The following RBM19 variants were observed in gnomAD, a reference collection of about 807,000 sequenced individuals.
RBM19 encodes the protein RNA binding motif protein 19, also known as probable RNA-binding protein 19.
In RBM19, 94 loss-of-function variants were observed where a neutral mutation model predicts 116.8. The observed-to-expected ratio is 0.80, with a 90% CI of 0.68 to 0.95. RBM19 has a LOEUF of 0.95. RBM19 is among the 40% of genes least tolerant of loss of function. The pLI, the probability that RBM19 is intolerant of heterozygous loss-of-function variation, is 0.00. For synonymous variants in RBM19, 475 were observed against 494.1 expected (o/e 0.96, Z 0.51); for missense variants, 1,161 against 1,220.7 (o/e 0.95, Z 0.73).
rs1185864386 is a variant in RBM19 at position 113,940,159 on chromosome 12, G to C, written c.1739C>G (p.Ala580Gly). ...CACAGTCTTGCTTCGCTCTGCTGCA[G>C]CCTGCAAAGAGGAAATGCACACACA... ...NGVSLDSFSQ[A>G]AAERSKTVIL... is the part of the protein sequence containing the mutation. The change falls in exon 15 of 24, where the codon GCT (alanine) becomes GGT (glycine). Residue 580 changes from alanine to glycine, a missense_variant and splice_region_variant. Coordinates refer to ENST00000261741, the MANE Select transcript of RBM19 (RefSeq NM_016196.4). The C allele has an allele frequency of 1.2e-6, 2 of 1,612,286 alleles. No homozygotes were observed. Among genetic ancestry groups the C allele is most frequent in the African/African-American group, 2.7e-5 (2 of 74,918 alleles).
intron 21 of RBM19, among the ~76,000 whole-genome samples, chr12:113,883,099 G>A (rs1245899603): frequency 2.0e-5 from 3 of 152,174 alleles, no homozygotes; most frequent in African/African-American, 7.2e-5. Context: ...TGTAGGGAAC[G>A]AGGGAGAAAA....
chr12:113,937,219 C>T, intron 15 of RBM19, 83 bp from the exon 16 acceptor site: 2 of 1,525,900 alleles, frequency 1.3e-6, no homozygotes, highest in South Asian at 2.5e-5. Context: ...CAGATCACAG[C>T]CCAAGGGTCA....
intron 13 of RBM19, among the ~76,000 whole-genome samples, chr12:113,942,885 A>G (rs1202382077): frequency 1.3e-5 from 2 of 152,170 alleles, no homozygotes; most frequent in African/African-American, 4.8e-5. Flanking sequence ...TGCCAGGATT[A>G]CAGGCGTGAG....
At chr12:113,964,389 C>G (rs1172135948) in intron 1 of RBM19, among the ~76,000 whole-genome samples, 1 of 152,226 alleles carries the variant, frequency 6.6e-6, no homozygotes, top group Non-Finnish European at 1.5e-5. Flanking sequence ...AGTAAACTCT[C>G]CAAGTGTCAG....
rs1277185139 is a variant in RBM19, at chr12:113,915,176, C to T, written c.2442-91G>A. On this transcript the variant is annotated intron_variant, in intron 20 of 23. Transcript: ENST00000261741. The stretch of plus-strand genomic sequence containing the variant: ...TCCACTACGCCTCCATCAGAATATT[C>T]AGGTGATGGATTCAAGGAGTGTGCG... 11 of 1,059,282 alleles carry T rather than the reference C, an allele frequency of 1.0e-5. No homozygotes were observed. The Admixed American group carries it at 1.9e-4, about 18-fold the overall frequency. The allele number at this position is 1,059,282 out of a possible 1,614,324, so 65.6% of individuals were successfully genotyped here. A position where few individuals can be genotyped will look rare whatever the true frequency, so the allele number is the denominator to read the frequency against.
chr12:113,874,619 C>CAGGGAGGG (rs1379469017), intron 21 of RBM19, among the ~76,000 whole-genome samples: 1 of 152,236 alleles, frequency 6.6e-6, no homozygotes, highest in Non-Finnish European at 1.5e-5. Context: ...CCCTTGAACT[C>CAGGGAGGG]AGTCCTTATG....
At chr12:113,915,161 C>T in intron 20 of RBM19, 76 bp from the exon 21 acceptor site, 1 of 1,169,550 alleles carries the variant, frequency 8.6e-7, no homozygotes, top group African/African-American at 1.5e-5. Flanking sequence ...TCCACTACGC[C>T]TCCATCAGAA....
rs776715856 is a variant in RBM19, at chr12:113,958,089, A to G, written c.572-39T>C. The G allele has an allele frequency of 3.2e-6, 5 of 1,576,336 alleles. 1 individual carries two copies. In the South Asian group the frequency reaches 6.0e-5, roughly 19 times the overall value. On this transcript the variant is annotated intron_variant, in intron 5 of 23. Transcript: ENST00000261741. Reference sequence around the variant, plus strand: ...GAAGCTGGGATCAGCGACAGCTATGAGCAAACCAGAGGTCAGAGGTAGCAA... The same window carrying G: ...GAAGCTGGGATCAGCGACAGCTATGGGCAAACCAGAGGTCAGAGGTAGCAA...
In RBM19 at chr12:113,927,242, CAAAACA is replaced by C. The variant is rs200041789; in HGVS notation, c.2069-19_2069-14del. 19,660 of 1,542,522 alleles carry C rather than the reference CAAAACA, an allele frequency of 0.013. 169 individuals carry two copies. Among genetic ancestry groups the C allele is most frequent in the South Asian group, 0.025 (2,089 of 82,524 alleles). On this transcript the variant is annotated splice_polypyrimidine_tract_variant and intron_variant, in intron 16 of 23. Transcript: ENST00000261741. ...TCGCCATCAGGCACTGAACCCCCAT[CAAAACA>C]AAAACAAAAACAAAAACATCAAATC...
chr12:113,884,809 T>C (rs1323431989), intron 21 of RBM19, among the ~76,000 whole-genome samples: 2 of 152,224 alleles, frequency 1.3e-5, no homozygotes, highest in Admixed American at 6.5e-5. Flanking sequence ...ACAATCTACC[T>C]TGAAGGGGTT....
chr12:113,893,412 T>C (rs1881090717), intron 21 of RBM19, among the ~76,000 whole-genome samples: 1 of 152,220 alleles, frequency 6.6e-6, no homozygotes, highest in African/African-American at 2.4e-5. Flanking sequence ...ATTACAGGTG[T>C]GAGCCACCGC....
At chr12:113,919,623 C>T (rs1882990639) in intron 19 of RBM19, among the ~76,000 whole-genome samples, 1 of 152,164 alleles carries the variant, frequency 6.6e-6, no homozygotes, top group Admixed American at 6.5e-5. Context: ...TGGGATGGTG[C>T]CAATCCCAGG....
intron 1 of RBM19, among the ~76,000 whole-genome samples, chr12:113,965,210 T>C (rs752964695): frequency 6.6e-6 from 1 of 151,004 alleles, no homozygotes; most frequent in Non-Finnish European, 1.5e-5. Context: ...GAGGCAAAAG[T>C]TGCAGTGAGC....
chr12:113,904,688 C>G (rs771184416), intron 21 of RBM19, among the ~76,000 whole-genome samples: 16 of 152,188 alleles, frequency 1.1e-4, no homozygotes, highest in Admixed American at 5.2e-4. Flanking sequence ...CCCAAACACA[C>G]ATAGACACAC....
At chr12:113,862,731 C>T (rs767706738) in intron 21 of RBM19, among the ~76,000 whole-genome samples, 14 of 152,134 alleles carry the variant, frequency 9.2e-5, no homozygotes, top group East Asian at 1.9e-4. Context: ...CTCTGCCGCT[C>T]GGGGGGAAGG....
chr12:113,862,187 C>T (rs1459360801), intron 21 of RBM19, among the ~76,000 whole-genome samples: 2 of 152,192 alleles, frequency 1.3e-5, no homozygotes, highest in African/African-American at 4.8e-5. Context: ...CAATGAGTGC[C>T]TGCAATATGC....
chr12:113,950,387 A>C (rs902577002), intron 8 of RBM19, among the ~76,000 whole-genome samples: 2 of 152,160 alleles, frequency 1.3e-5, no homozygotes, highest in African/African-American at 4.8e-5. Context: ...AAGATGCTGA[A>C]TGCCAGGAGT....
intron 23 of RBM19, among the ~76,000 whole-genome samples, chr12:113,836,845 T>TACACACACAC (rs1565964526): frequency 1.6e-4 from 13 of 80,844 alleles, no homozygotes; most frequent in African/African-American, 6.5e-4. Context: ...CACACACACG[T>TACACACACAC]GTCCCAAGCA....
Position 113,921,278 on chromosome 12 carries a change from C to T in RBM19, c.2306-588G>A, listed in dbSNP as rs556059346. The stretch of plus-strand genomic sequence containing the variant: ...CTGCAAAAATTTCATCAGAAACTTC[C>T]GCTTCCTCACTATGTGTAACTGGGG... On this transcript the variant is annotated intron_variant, in intron 18 of 23. Transcript: ENST00000261741. Among the ~76,000 whole-genome samples the T allele has an allele frequency of 4.6e-5, 7 of 152,284 alleles. No individual in the cohort carries two copies. In the East Asian group the frequency reaches 5.8e-4, roughly 13 times the overall value.
Sources: allele counts gnomAD v4.1 joint callset (sites outside exome capture counted in the v4.1 genomes callset), GRCh38; gene constraint gnomAD v4.1.1; transcripts MANE v1.5; gene names NCBI Gene and HGNC (gene_info 2026-07-23, HGNC 2026-07-21).